Variants in RNF31 observed in about 807,000 individuals in gnomAD.
The protein encoded by RNF31 is ring finger protein 31.
A neutral mutation model predicts 133.6 loss-of-function variants in RNF31; 38 were observed. The ratio of observed to expected loss-of-function variants is 0.28; its 90% CI spans 0.22 to 0.37. RNF31 has a LOEUF of 0.37. Ranked by LOEUF, RNF31 falls within the 10% of genes least tolerant of loss-of-function variation. The probability of loss-of-function intolerance (pLI) is 1.00; values close to 1 mark genes in which losing one functional copy is unlikely to be tolerated. For missense variants in RNF31, 1,118 were observed against 1,394.1 expected, an observed-to-expected ratio of 0.80 and a Z score of 3.15; for synonymous variants, 582 against 552.3, an observed-to-expected ratio of 1.05 and a Z score of -0.75.
In RNF31 at chr14:24,151,316, G is replaced by T; in HGVS notation, c.1674G>T (p.Trp558Cys). Residue 558 changes from tryptophan (W) to cysteine (C), a missense_variant, in exon 9 of 21, where the codon TGG becomes TGT. This residue lies in a region of RNF31 where 747 missense variants were observed against 827.9 expected (regional missense o/e 0.90). Transcript: ENST00000324103. The surrounding 1 kb of genome is among the most constrained non-coding windows in gnomAD (Gnocchi z 5.3). The part of the protein sequence containing the change: ...AFSCQEARRA[W>C]LDRHGNLDEA... ...CCTGTCAGGAGGCCCGGAGAGCCTG[G>T]CTGGATCGTCATGGCAACCTTGATG... is the stretch of plus-strand genomic sequence containing the variant. 1 of 1,614,260 alleles carries T rather than the reference G, an allele frequency of 6.2e-7. No individual in the cohort carries two copies. Among genetic ancestry groups the T allele is most frequent in the Non-Finnish European group, 8.5e-7 (1 of 1,180,054 alleles).
upstream of RNF31, chr14:24,146,880 T>C: frequency 1.9e-6 from 1 of 513,894 alleles, no homozygotes. Context: ...GGCTTATAGC[T>C]AGGGCCAACT....
At chr14:24,154,646 T>C (rs939049328) in intron 11 of RNF31, among the ~76,000 whole-genome samples, 1 of 152,200 alleles carries the variant, frequency 6.6e-6, no homozygotes, top group African/African-American at 2.4e-5. Flanking sequence ...TGCTCCAATG[T>C]TAGCTATACT....
Position 24,148,100 on chromosome 14 carries a change from G to C in RNF31, c.317G>C (p.Arg106Pro). ...GTCAAGTTTAATAACCCTGTCTTTC[G>C]CAGCACGGTGGATGCTGTGCAGGTG... is the stretch of plus-strand genomic sequence containing the variant. The part of the protein sequence containing the change: ...RGVKFNNPVF[R>P]STVDAVQGGR... The change falls in exon 2 of 21, where the codon CGC (arginine) becomes CCC (proline). Residue 106 changes from arginine to proline, a missense_variant. Physicochemically the swap from Arg to Pro is moderately radical, Grantham distance 103. Around this residue, in one of 3 missense-constraint regions of RNF31, gnomAD observed 747 missense variants for 827.9 expected, o/e 0.90. Transcript: ENST00000324103. The C allele has an allele frequency of 1.2e-6, 2 of 1,614,188 alleles. No individual in the cohort carries two copies. The highest frequency in any genetic ancestry group is 1.1e-5 in the South Asian group (1 of 91,078).
In RNF31 at chr14:24,150,651, C is replaced by G. The variant is rs1275011080; in HGVS notation, c.1251C>G (p.His417Gln). Residue 417 changes from histidine (H) to glutamine (Q), a missense_variant, in exon 8 of 21, where the codon CAC (histidine) becomes CAG (glutamine). By Grantham distance (24) the His-to-Gln change is conservative. This residue lies in a region of RNF31 where 747 missense variants were observed against 827.9 expected (regional missense o/e 0.90). Transcript: ENST00000324103. ...SAQSQVWYCI[H>Q]CTFCNSSPGW... ...AGAGTCAAGTCTGGTACTGTATTCA[C>G]TGTACCTTCTGCAACTCGAGCCCTG... 2 of 1,614,232 alleles carry G rather than the reference C, an allele frequency of 1.2e-6. No homozygotes were observed. Among genetic ancestry groups the G allele is most frequent in the Non-Finnish European group, 8.5e-7 (1 of 1,180,024 alleles).
At position 24,159,856 on chromosome 14, in the gene RNF31, A is replaced by G. The variant is rs754457992; in HGVS notation, c.2900-8A>G. On this transcript the variant is annotated splice_region_variant and splice_polypyrimidine_tract_variant and intron_variant, in intron 18 of 20. Coordinates refer to ENST00000324103, the MANE Select transcript of RNF31 (RefSeq NM_017999.5). ...CCAACAGAGGCTCCCTTCTTCCCTCACCTTTAGGCGGCTGCCGAGTGATAG... is the reference window on the plus strand; with the variant it reads ...CCAACAGAGGCTCCCTTCTTCCCTCGCCTTTAGGCGGCTGCCGAGTGATAG... The G allele has an allele frequency of 4.3e-6, 7 of 1,612,090 alleles. No homozygotes were observed. Among genetic ancestry groups the G allele is most frequent in the Non-Finnish European group, 5.9e-6 (7 of 1,178,400 alleles).
At chr14:24,159,552 ATAAGT>A (rs1200038771) in intron 18 of RNF31, among the ~76,000 whole-genome samples, 1 of 151,000 alleles carries the variant, frequency 6.6e-6, no homozygotes, top group East Asian at 1.9e-4. Flanking sequence ...TCTTCCGATA[ATAAGT>A]TAACTAGTCA....
chr14:24,149,618 T>TTA, intron 6 of RNF31, 35 bp downstream of exon 6: 1 of 1,586,740 alleles, frequency 6.3e-7, no homozygotes, highest in Non-Finnish European at 8.6e-7. Context: ...GGAGTGAAAT[T>TTA]TAGAGAACTT....
At chr14:24,157,214 G>A (rs1484605711) in intron 14 of RNF31, 76 bp from the exon 15 acceptor site, 2 of 1,082,784 alleles carry the variant, frequency 1.8e-6, no homozygotes, top group African/African-American at 3.2e-5. Context: ...ACCACTGGAT[G>A]TGAGTGGAGG....
rs2038325590 is a variant in RNF31, at chr14:24,155,286, G to A, written c.2260G>A (p.Asp754Asn). 2 of 1,614,066 alleles carry A rather than the reference G, an allele frequency of 1.2e-6. No individual in the cohort carries two copies. Among genetic ancestry groups the A allele is most frequent in the Non-Finnish European group, 1.7e-6 (2 of 1,180,024 alleles). Residue 754 changes from aspartate to asparagine, a missense_variant, in exon 12 of 21, where the codon GAT (aspartate) becomes AAT (asparagine). Coordinates refer to ENST00000324103, the MANE Select transcript of RNF31 (RefSeq NM_017999.5). The surrounding 1 kb of genome is among the most constrained non-coding windows in gnomAD (Gnocchi z 4.9). The part of the protein sequence containing the change: ...CPACGRPDLT[D>N]DTQLLSYFST... ...TGCCTGTGGCCGCCCCGACCTCACC[G>A]ATGACACACAGTTGCTCAGCTACTT...
Position 24,147,666 on chromosome 14 carries a change from G to A in RNF31, c.-33G>A. The A allele has an allele frequency of 2.2e-6, 3 of 1,380,932 alleles. No individual in the cohort carries two copies. Among genetic ancestry groups the A allele is most frequent in the Non-Finnish European group, 2.8e-6 (3 of 1,074,914 alleles). The allele number at this position is 1,380,932 out of a possible 1,614,324, so 85.5% of individuals were successfully genotyped here. On this transcript the variant is annotated 5_prime_UTR_variant, in exon 1 of 21. Coordinates refer to ENST00000324103, the MANE Select transcript of RNF31 (RefSeq NM_017999.5). ...GCGCTGCCCGCGCCGGGTCCTGGCG[G>A]GCGGCGAGGCTGGGGCTGACTCCTG...
rs1469335076 is a variant in RNF31, at chr14:24,155,955, C to G, written c.2493+263C>G. Among the ~76,000 whole-genome samples, 1 of 152,138 alleles carries G rather than the reference C, an allele frequency of 6.6e-6. No homozygotes were observed. Among genetic ancestry groups the G allele is most frequent in the African/African-American group, 2.4e-5 (1 of 41,398 alleles). The stretch of plus-strand genomic sequence containing the variant: ...AACTAATTATACATAGGCATAAATT[C>G]TATGAAGAAAACAAACAGGAACCTG... On this transcript the variant is annotated intron_variant, in intron 14 of 20. Coordinates refer to ENST00000324103, the MANE Select transcript of RNF31 (RefSeq NM_017999.5). The surrounding 1 kb of genome is among the most constrained non-coding windows in gnomAD (Gnocchi z 4.9).
intron 7 of RNF31, 59 bp downstream of exon 7, chr14:24,150,507 C>A: frequency 1.3e-6 from 2 of 1,576,630 alleles, no homozygotes; most frequent in Non-Finnish European, 1.7e-6. Context: ...TTCCCTATCC[C>A]ATGTTTTCCT....
Position 24,149,662 on chromosome 14 carries a change from C to T in RNF31, c.809+79C>T. 2.8e-6 allele frequency: 4 copies of T among 1,419,868 alleles called. No homozygotes were observed. In the South Asian group the frequency reaches 5.0e-5, roughly 18 times the overall value. 88.0% of individuals were successfully genotyped at this position (1,419,868 alleles called of 1,614,324 possible). On this transcript the variant is annotated intron_variant, in intron 6 of 20. Transcript: ENST00000324103. ...TTGATTATGGACTACCTGCCAGTTT[C>T]TGTGCTAAAGACTGTTTAATAGAGG...
Position 24,157,994 on chromosome 14 carries a change from C to G in RNF31, c.2824C>G (p.Leu942Val). The G allele has an allele frequency of 3.1e-6, 5 of 1,614,128 alleles. No individual in the cohort carries two copies. The highest frequency in any genetic ancestry group is 4.2e-6 in the Non-Finnish European group (5 of 1,180,020). ...FYLRDWTALR[L>V]QKLLQDNNVM... ...CCTGCGGGACTGGACTGCTCTCCGG[C>G]TTCAGAAGCTGCTACAGGTCAGAGG... is the stretch of plus-strand genomic sequence containing the variant. The change falls in exon 17 of 21, where the codon CTT becomes GTT. Residue 942 changes from leucine to valine, a missense_variant. Physicochemically the swap from Leu to Val is conservative, Grantham distance 32. Transcript: ENST00000324103.
At chr14:24,152,031 CTA>C in intron 11 of RNF31, 39 bp downstream of exon 11, 1 of 1,583,046 alleles carries the variant, frequency 6.3e-7, no homozygotes, top group Non-Finnish European at 8.6e-7. Context: ...AAGAATTACT[CTA>C]TTCTTTTGGA....
chr14:24,158,280 G>A (rs867413006), intron 18 of RNF31, 81 bp downstream of exon 18: 4 of 1,360,358 alleles, frequency 2.9e-6, no homozygotes. Context: ...GGAGGCTTGG[G>A]TCTGGGGTCA....
Position 24,152,128 on chromosome 14 carries a change from G to A in RNF31, c.2130+136G>A. The A allele has an allele frequency of 3.7e-6, 3 of 813,752 alleles. No homozygotes were observed. In the South Asian group the frequency reaches 5.5e-5, roughly 15 times the overall value. 50.4% of individuals were successfully genotyped at this position (813,752 alleles called of 1,614,324 possible). A position where few individuals can be genotyped will look rare whatever the true frequency, so the allele number is the denominator to read the frequency against. On this transcript the variant is annotated intron_variant, in intron 11 of 20. Transcript: ENST00000324103. Reference sequence around the variant, plus strand: ...TACCCCTGAAGGCTCCTGGGAGGGGGAAGTCAGGAACAGGCTTATCTCCTC... The same window carrying A: ...TACCCCTGAAGGCTCCTGGGAGGGGAAAGTCAGGAACAGGCTTATCTCCTC...
At position 24,150,229 on chromosome 14, in the gene RNF31, C is replaced by T; in HGVS notation, c.978C>T (p.Pro326=). 1 of 1,614,186 alleles carries T rather than the reference C, an allele frequency of 6.2e-7. No homozygotes were observed. Among genetic ancestry groups the T allele is most frequent in the South Asian group, 1.1e-5 (1 of 91,086 alleles). ...WAVLCVACDR[P]RGCKGLGLGT... ...TGCTCTGTGTGGCCTGTGATCGGCC[C>T]CGAGGCTGTAAGGGGTTGGGGTTGG... is the stretch of plus-strand genomic sequence containing the variant. Residue 326 remains proline, a synonymous_variant, in exon 7 of 21, where the codon CCC becomes CCT. Transcript: ENST00000324103.
rs2139078963 is a variant in RNF31, at chr14:24,150,175, C to G, written c.924C>G (p.Ala308=). ...CTCATTTGCCCTGGCACTGTGCTGCCTGTGCCATGCTAAATGAGCCTTGGG... is the reference window on the plus strand; with the variant it reads ...CTCATTTGCCCTGGCACTGTGCTGCGTGTGCCATGCTAAATGAGCCTTGGG... ...ASAHLPWHCA[A]CAMLNEPWAV... is the part of the protein sequence containing the mutation. The change falls in exon 7 of 21, where the codon GCC becomes GCG. Residue 308 remains alanine, a synonymous_variant. Transcript: ENST00000324103. 1 of 1,614,202 alleles carries G rather than the reference C, an allele frequency of 6.2e-7. No homozygotes were observed. Among genetic ancestry groups the G allele is most frequent in the South Asian group, 1.1e-5 (1 of 91,092 alleles).
Sources: allele counts gnomAD v4.1 joint callset (sites outside exome capture counted in the v4.1 genomes callset), GRCh38; gene constraint gnomAD v4.1.1; regional missense constraint gnomAD v4.1.1; non-coding constraint Gnocchi (gnomAD v3.1); transcripts MANE v1.5; gene names NCBI Gene and HGNC (gene_info 2026-07-23, HGNC 2026-07-21).